Variants in CALR3 observed in about 807,000 individuals in gnomAD.
CALR3 encodes calreticulin-3.
CALR3 carries 39 observed loss-of-function variants against 48.7 expected under a neutral mutation model. That is an observed-to-expected ratio of 0.80 (90% CI 0.62 to 1.05). The LOEUF is 1.05. Among genes scored for constraint, CALR3 ranks in the 50% least tolerant of loss-of-function variants. The probability of loss-of-function intolerance (pLI) is 0.00; values close to 1 mark genes in which losing one functional copy is unlikely to be tolerated. For missense variants in CALR3, 449 were observed against 474.7 expected (o/e 0.95, Z 0.50); for synonymous variants, 185 against 172.7 (o/e 1.07, Z -0.56).
chr19:16,485,330 TC>T, intron 3 of CALR3, 73 bp from the exon 4 acceptor site: 1 of 956,352 alleles, frequency 1.0e-6, no homozygotes, highest in Non-Finnish European at 1.6e-6. Context: ...CCACAACCAT[TC>T]TTTTTTTTTT....
At chr19:16,486,386 C>T (rs953785668) in intron 3 of CALR3, among the ~76,000 whole-genome samples, 7 of 150,446 alleles carry the variant, frequency 4.7e-5, no homozygotes, top group Non-Finnish European at 1.0e-4. Flanking sequence ...CTTTGGGGGG[C>T]TGAGGCGGGT....
At chr19:16,489,222 C>T (rs1214484697) in intron 3 of CALR3, among the ~76,000 whole-genome samples, 2 of 152,224 alleles carry the variant, frequency 1.3e-5, no homozygotes, top group Non-Finnish European at 2.9e-5. Context: ...TGGTGGCTCA[C>T]GCCTGTAATC....
At chr19:16,492,459 A>G (rs954040585) in intron 2 of CALR3, among the ~76,000 whole-genome samples, 1 of 151,528 alleles carries the variant, frequency 6.6e-6, no homozygotes, top group African/African-American at 2.4e-5. Context: ...AGCCAGACGC[A>G]GTGGCTCACG....
chr19:16,480,299 C>A (rs2093378623), intron 8 of CALR3, among the ~76,000 whole-genome samples: 1 of 151,990 alleles, frequency 6.6e-6, no homozygotes, highest in South Asian at 2.1e-4. Context: ...CTCCTGTAAT[C>A]CCAGCACTTT....
At position 16,479,310 on chromosome 19, in the gene CALR3, G is replaced by C. The variant is rs1164734309; in HGVS notation, c.1012-36C>G. ...AAAGAAAAAACATAAGCCCCACCGG[G>C]TGCGATGGCTCGTGCCTGTAATCCC... is the stretch of plus-strand genomic sequence containing the variant. On this transcript the variant is annotated intron_variant, in intron 8 of 8. Coordinates refer to ENST00000269881, the MANE Select transcript of CALR3 (RefSeq NM_145046.5). 3.7e-6 allele frequency: 6 copies of C among 1,612,478 alleles called. No homozygotes were observed. The African/African-American group carries it at 5.3e-5, about 14-fold the overall frequency.
Position 16,480,450 on chromosome 19 carries a change from T to A in CALR3, c.1011+164A>T, listed in dbSNP as rs532945352. Among the ~76,000 whole-genome samples the A allele has an allele frequency of 7.5e-5, 11 of 145,796 alleles. No homozygotes were observed. The South Asian group carries it at 2.4e-3, about 32-fold the overall frequency. ...GCCTGTAGTCCCAGCTACTTGGGAG[T>A]CTGAGGCAGGAGAATCGCTTGAACC... is the stretch of plus-strand genomic sequence containing the variant. On this transcript the variant is annotated intron_variant, in intron 8 of 8. Coordinates refer to ENST00000269881, the MANE Select transcript of CALR3 (RefSeq NM_145046.5).
intron 7 of CALR3, among the ~76,000 whole-genome samples, chr19:16,481,422 C>T (rs1405636332): frequency 1.3e-5 from 2 of 150,896 alleles, no homozygotes; most frequent in South Asian, 4.2e-4. Flanking sequence ...CGTGGCTGCA[C>T]ATCGGGATCA....
At chr19:16,491,683 A>G (rs1165865868) in intron 2 of CALR3, among the ~76,000 whole-genome samples, 1 of 150,426 alleles carries the variant, frequency 6.6e-6, no homozygotes, top group Non-Finnish European at 1.5e-5. Context: ...AGAGTGAGGC[A>G]GAAGAATCGC....
At position 16,480,656 on chromosome 19, in the gene CALR3, C is replaced by G. The variant is rs758485228; in HGVS notation, c.969G>C (p.Glu323Asp). The change falls in exon 8 of 9, where the codon GAG becomes GAC. Residue 323 changes from glutamate (E) to aspartate (D), a missense_variant. By Grantham distance (45) the Glu-to-Asp change is conservative (BLOSUM62 2). Transcript: ENST00000269881. ...FDNFLITDDE[E>D]YADNFGKATW... ...TGGCCTTGCCAAAATTATCTGCGTA[C>G]TCTTCATCATCTGTGATCAGAAAGT... 8 of 1,613,830 alleles carry G rather than the reference C, an allele frequency of 5.0e-6. No homozygotes were observed. In the South Asian group the frequency reaches 8.8e-5, roughly 18 times the overall value.
chr19:16,482,025 G>A (rs2093381632), intron 7 of CALR3, among the ~76,000 whole-genome samples: 1 of 149,072 alleles, frequency 6.7e-6, no homozygotes, highest in African/African-American at 2.5e-5. Flanking sequence ...TCCTGCCTCA[G>A]CGTCCCGAGT....
Position 16,482,786 on chromosome 19 carries a change from C to A in CALR3, c.679-1G>T, listed in dbSNP as rs1386982570. ...CGTCCAGAAAATGCTTCTCCCAGTC[C>A]TTCAAAGACATGTAAGGAAAAAGTA... is the stretch of plus-strand genomic sequence containing the variant. On this transcript the variant is annotated splice_acceptor_variant, in intron 5 of 8. Transcript: ENST00000269881. LOFTEE classifies it high-confidence loss of function. 1 of 1,612,148 alleles carries A rather than the reference C, an allele frequency of 6.2e-7. No homozygotes were observed. Among genetic ancestry groups the A allele is most frequent in the African/African-American group, 1.3e-5 (1 of 74,994 alleles).
At chr19:16,481,237 A>G (rs73021178) in intron 7 of CALR3, among the ~76,000 whole-genome samples, 4,936 of 152,162 alleles carry the variant, frequency 0.032, 121 homozygotes, top group Non-Finnish European at 0.043. Context: ...GGCGTGAGCC[A>G]TACTGTCCCT....
chr19:16,486,232 C>A (rs2093388792), intron 3 of CALR3, among the ~76,000 whole-genome samples: 1 of 151,698 alleles, frequency 6.6e-6, no homozygotes, highest in African/African-American at 2.4e-5. Context: ...GAGGGGATCA[C>A]TTGAACCCAG....
At position 16,495,757 on chromosome 19, in the gene CALR3, C is replaced by G. The variant is rs1568488921; in HGVS notation, c.187G>C (p.Asp63His). ...GTCCTGATTCTACACTAACCTTTATCTTTCTCTTTATGACCATAAAACTTG... is the reference window on the plus strand; with the variant it reads ...GTCCTGATTCTACACTAACCTTTATGTTTCTCTTTATGACCATAAAACTTG... Reference protein sequence around the residue: ...SGKFYGHKEKDKGLQTTQNGR... With the variant: ...SGKFYGHKEKHKGLQTTQNGR... Residue 63 changes from aspartate to histidine, a missense_variant, in exon 2 of 9, where the codon GAT (aspartate) becomes CAT (histidine). Physicochemically the swap from Asp to His is moderately conservative, Grantham distance 81. Transcript: ENST00000269881. The G allele has an allele frequency of 6.2e-7, 1 of 1,612,886 alleles. No homozygotes were observed.
chr19:16,494,493 C>T (rs2093402837), intron 2 of CALR3, among the ~76,000 whole-genome samples: 2 of 152,134 alleles, frequency 1.3e-5, no homozygotes, highest in South Asian at 4.1e-4. Flanking sequence ...TCCCGAGTAG[C>T]TGGGACTACA....
At position 16,484,129 on chromosome 19, in the gene CALR3, G is replaced by A; in HGVS notation, c.493-14C>T. The A allele has an allele frequency of 1.2e-6, 2 of 1,611,372 alleles. No homozygotes were observed. The highest frequency in any genetic ancestry group is 1.1e-5 in the South Asian group (1 of 90,796). ...GAAGCCATCAACCTGCATATTTTAGGGGGAAAAGCGTAACAATTAAATCCT... is the reference window on the plus strand; with the variant it reads ...GAAGCCATCAACCTGCATATTTTAGAGGGAAAAGCGTAACAATTAAATCCT... On this transcript the variant is annotated splice_polypyrimidine_tract_variant and intron_variant, in intron 4 of 8. Coordinates refer to ENST00000269881, the MANE Select transcript of CALR3 (RefSeq NM_145046.5).
At chr19:16,488,323 ATCC>A (rs2093392313) in intron 3 of CALR3, among the ~76,000 whole-genome samples, 1 of 152,046 alleles carries the variant, frequency 6.6e-6, no homozygotes, top group South Asian at 2.1e-4. Context: ...GACTCAAGTA[ATCC>A]TCCTGCCTGG....
intron 2 of CALR3, among the ~76,000 whole-genome samples, chr19:16,492,401 C>T (rs2093399493): frequency 6.6e-6 from 1 of 152,056 alleles, no homozygotes; most frequent in African/African-American, 2.4e-5. Flanking sequence ...GGAGCCATTG[C>T]ACCCCAGCCT....
At chr19:16,495,730 T>C in intron 2 of CALR3, 21 bp downstream of exon 2, 2 of 1,578,832 alleles carry the variant, frequency 1.3e-6, no homozygotes, top group Non-Finnish European at 1.7e-6. Context: ...AGGCTCAATT[T>C]GGTCCTGATT....
Sources: gnomAD v4.1 joint callset for allele counts (sites outside exome capture counted in the v4.1 genomes callset) on GRCh38, gnomAD v4.1.1 for gene constraint, MANE v1.5 for transcripts, NCBI Gene and HGNC (gene_info 2026-07-23, HGNC 2026-07-21) for gene names.